CREB3L4: variants seen among roughly 807,000 people sequenced by gnomAD.
The protein encoded by CREB3L4 is cAMP responsive element binding protein 3 like 4.
A neutral mutation model predicts 37.0 loss-of-function variants in CREB3L4; 28 were observed. The observed-to-expected ratio is 0.76, with a 90% CI of 0.56 to 1.04. The LOEUF (loss-of-function observed/expected upper bound fraction) is 1.04, where lower values mean the gene tolerates loss of function less well. Ranked by LOEUF, CREB3L4 falls within the 50% of genes least tolerant of loss-of-function variation. The pLI, the probability that CREB3L4 is intolerant of heterozygous loss-of-function variation, is 0.00. For missense variants in CREB3L4, 462 were observed against 486.0 expected (o/e 0.95, Z 0.46); for synonymous variants, 175 against 192.2 (o/e 0.91, Z 0.74).
chr1:153,971,691 TC>T (rs1353934696), intron 4 of CREB3L4, among the ~76,000 whole-genome samples: 2 of 151,590 alleles, frequency 1.3e-5, no homozygotes, highest in Non-Finnish European at 2.9e-5. Context: ...CTCTAATAGT[TC>T]CACCAAACAG....
intron 4 of CREB3L4, among the ~76,000 whole-genome samples, chr1:153,971,901 C>T (rs1029791983): frequency 1.5e-4 from 23 of 152,152 alleles, no homozygotes; most frequent in African/African-American, 5.3e-4. Context: ...CGGCTCACTG[C>T]AACCTCCACC....
In CREB3L4 at chr1:153,969,091, C is replaced by CT. The variant is rs1648082853; in HGVS notation, c.337dup (p.Tyr113LeufsTer2). On this transcript the variant is annotated frameshift_variant, in exon 3 of 10. Coordinates refer to ENST00000368607, the MANE Select transcript of CREB3L4 (RefSeq NM_001255978.2). LOFTEE classifies it high-confidence loss of function. ...CCAGGGCAACCAGTTCTCCTATGCT[C>CT]TATGAGGTTGTCTATGAGGCAGGGG... is the stretch of plus-strand genomic sequence containing the variant. 6.2e-7 allele frequency: 1 copy of CT among 1,614,070 alleles called. No individual in the cohort carries two copies. The highest frequency in any genetic ancestry group is 8.5e-7 in the Non-Finnish European group (1 of 1,180,026).
intron 1 of CREB3L4, 141 bp downstream of exon 1, chr1:153,968,305 G>T: frequency 1.9e-6 from 1 of 526,752 alleles, no homozygotes; most frequent in Non-Finnish European, 3.4e-6. Context: ...GGGCTCTTCA[G>T]AACAGGTAAT....
chr1:153,968,501 G>C (rs748586897), intron 1 of CREB3L4, 21 bp from the exon 2 acceptor site: 1 of 1,607,386 alleles, frequency 6.2e-7, no homozygotes, highest in South Asian at 1.1e-5. Flanking sequence ...GCAACCCTCC[G>C]TCCCACACGC....
intron 4 of CREB3L4, 105 bp downstream of exon 4, chr1:153,969,560 C>T: frequency 1.4e-6 from 2 of 1,399,766 alleles, no homozygotes; most frequent in East Asian, 2.3e-5. Context: ...ACTGCCTTTG[C>T]CCCGGTTTTT....
In CREB3L4 at chr1:153,968,702, G is replaced by A; in HGVS notation, c.174+3G>A. ...AGTCCGGTGGGGACCGTGGCTGTGTGAGTGTGACGAGTGGGAGTGGGGGTG... is the reference window on the plus strand; with the variant it reads ...AGTCCGGTGGGGACCGTGGCTGTGTAAGTGTGACGAGTGGGAGTGGGGGTG... On this transcript the variant is annotated splice_donor_region_variant and intron_variant, in intron 2 of 9. Transcript: ENST00000368607. The A allele has an allele frequency of 6.2e-7, 1 of 1,613,614 alleles. No homozygotes were observed. The highest frequency in any genetic ancestry group is 1.1e-5 in the South Asian group (1 of 91,052).
intron 7 of CREB3L4, 30 bp from the exon 8 acceptor site, chr1:153,973,350 G>GA (rs761132284): frequency 6.2e-7 from 1 of 1,613,070 alleles, no homozygotes; most frequent in Non-Finnish European, 8.5e-7. Context: ...GTACCCAGAT[G>GA]ATACTAACTC....
At chr1:153,972,663 G>A (rs1331933353) in intron 4 of CREB3L4, 81 bp from the exon 5 acceptor site, 3 of 1,105,418 alleles carry the variant, frequency 2.7e-6, no homozygotes, top group Non-Finnish European at 4.0e-6. Context: ...CAGAAGGCAT[G>A]TGGGGGGAGT....
At position 153,969,451 on chromosome 1, in the gene CREB3L4, C is replaced by G. The variant is rs1396305155; in HGVS notation, c.539C>G (p.Thr180Ser). 3.7e-6 allele frequency: 6 copies of G among 1,613,972 alleles called. No homozygotes were observed. Among genetic ancestry groups the G allele is most frequent in the Non-Finnish European group, 5.1e-6 (6 of 1,179,982 alleles). Residue 180 changes from threonine to serine, a missense_variant, in exon 4 of 10, where the codon ACC becomes AGC. By Grantham distance (58) the Thr-to-Ser change is moderately conservative (BLOSUM62 1). Coordinates refer to ENST00000368607, the MANE Select transcript of CREB3L4 (RefSeq NM_001255978.2). Reference sequence around the variant, plus strand: ...ACCGTAGCCCCAGTGCCCTGTACAACCCTGGTGAGTCTTGGTGTCAGCCAG... The same window carrying G: ...ACCGTAGCCCCAGTGCCCTGTACAAGCCTGGTGAGTCTTGGTGTCAGCCAG... ...AGTVAPVPCT[T>S]LLPCQTLFLT... is the part of the protein sequence containing the mutation.
In CREB3L4 at chr1:153,969,403, C is replaced by A; in HGVS notation, c.491C>A (p.Ala164Asp). 1.9e-6 allele frequency: 3 copies of A among 1,614,128 alleles called. No homozygotes were observed. The highest frequency in any genetic ancestry group is 2.5e-6 in the Non-Finnish European group (3 of 1,179,994). Residue 164 changes from alanine to aspartate, a missense_variant, in exon 4 of 10, where the codon GCC becomes GAC. By Grantham distance (126) the Ala-to-Asp change is moderately radical. Transcript: ENST00000368607. ...AGTGAGCTGCCCTTTGATGCTCATG[C>A]CCACATCCTGCCCAGAGCAGGCACC... ...MVSELPFDAH[A>D]HILPRAGTVA...
chr1:153,973,832 G>A (rs1243120540), intron 9 of CREB3L4, 40 bp from the exon 10 acceptor site: 2 of 1,600,530 alleles, frequency 1.2e-6, no homozygotes, highest in Non-Finnish European at 1.7e-6. Flanking sequence ...TCCCACCCAG[G>A]GGAGCACTCT....
At position 153,969,181 on chromosome 1, in the gene CREB3L4, G is replaced by A. The variant is rs766675043; in HGVS notation, c.421+5G>A. 2 of 1,614,082 alleles carry A rather than the reference G, an allele frequency of 1.2e-6. No individual in the cohort carries two copies. Among genetic ancestry groups the A allele is most frequent in the East Asian group, 4.5e-5 (2 of 44,888 alleles). ...GCCTTATCTCCATCCAGCTAGGTCA[G>A]TGTTCTTTGTGGGAAGGGGGAAATG... On this transcript the variant is annotated splice_donor_5th_base_variant and intron_variant, in intron 3 of 9. Coordinates refer to ENST00000368607, the MANE Select transcript of CREB3L4 (RefSeq NM_001255978.2).
upstream of CREB3L4, chr1:153,967,521 C>T (rs1216210596): frequency 6.6e-6 from 1 of 152,320 alleles, no homozygotes; most frequent in Admixed American, 6.5e-5. Context: ...CGCAGTGGCT[C>T]GCGCCTGTGG....
intron 4 of CREB3L4, among the ~76,000 whole-genome samples, chr1:153,970,153 T>C (rs1408246431): frequency 6.6e-6 from 1 of 151,848 alleles, no homozygotes; most frequent in African/African-American, 2.4e-5. Flanking sequence ...GGTCTTGAAC[T>C]CCTGACCTTG....
At position 153,971,575 on chromosome 1, in the gene CREB3L4, C is replaced by A. The variant is rs866995103; in HGVS notation, c.544-1169C>A. The stretch of plus-strand genomic sequence containing the variant: ...TGAGCCACCTTGGCCACTCTGTTTT[C>A]TTTTTCTTTTTCTTTTTTTTTTTTT... On this transcript the variant is annotated intron_variant, in intron 4 of 9. Transcript: ENST00000368607. 8.7e-5 allele frequency among the ~76,000 whole-genome samples: 11 copies of A among 125,972 alleles called. No homozygotes were observed. In the South Asian group the frequency reaches 2.9e-3, roughly 33 times the overall value. 82.6% of individuals were successfully genotyped at this position (125,972 alleles called of 152,430 possible). A position where few individuals can be genotyped will look rare whatever the true frequency, so the allele number is the denominator to read the frequency against.
Position 153,969,026 on chromosome 1 carries a change from A to T in CREB3L4, c.271A>T (p.Ile91Phe). 1 of 1,614,158 alleles carries T rather than the reference A, an allele frequency of 6.2e-7. No homozygotes were observed. The highest frequency in any genetic ancestry group is 8.5e-7 in the Non-Finnish European group (1 of 1,180,022). ...SEASPGSDSG[I>F]SEDPCHPDSP... is the part of the protein sequence containing the mutation. ...AGCATCTCCTGGCAGTGACAGTGGC[A>T]TCTCTGAGGACCCCTGCCATCCAGA... Residue 91 changes from isoleucine to phenylalanine, a missense_variant, in exon 3 of 10, where the codon ATC (isoleucine) becomes TTC (phenylalanine). Coordinates refer to ENST00000368607, the MANE Select transcript of CREB3L4 (RefSeq NM_001255978.2).
rs201206472 is a variant in CREB3L4 at position 153,972,854 on chromosome 1, A to C, written c.636+18A>C. ...TCACCAAGGTAACATGCTTCCCCTAAGGGTATCCCAACCCAGGGGCCTCAC... is the reference window on the plus strand; with the variant it reads ...TCACCAAGGTAACATGCTTCCCCTACGGGTATCCCAACCCAGGGGCCTCAC... On this transcript the variant is annotated intron_variant, in intron 5 of 9. Transcript: ENST00000368607. The C allele has an allele frequency of 4.9e-5, 79 of 1,610,462 alleles. No individual in the cohort carries two copies. The highest frequency in any genetic ancestry group is 6.5e-5 in the Non-Finnish European group (76 of 1,177,030).
At chr1:153,972,129 A>T (rs1166615012) in intron 4 of CREB3L4, among the ~76,000 whole-genome samples, 3 of 152,142 alleles carry the variant, frequency 2.0e-5, no homozygotes, top group African/African-American at 7.2e-5. Context: ...GGCCACATAC[A>T]TCTTTCAAAA....
chr1:153,974,094 C>T lies in CREB3L4; in HGVS notation c.*29C>T. The T allele has an allele frequency of 1.3e-6, 2 of 1,599,834 alleles. No homozygotes were observed. The highest frequency in any genetic ancestry group is 2.1e-4 in the Middle Eastern group (1 of 4,716). On this transcript the variant is annotated 3_prime_UTR_variant, in exon 10 of 10. Coordinates refer to ENST00000368607, the MANE Select transcript of CREB3L4 (RefSeq NM_001255978.2). ...GGAACAGACCTTCCTGGCCCACTTC[C>T]TGATCACAAGGAATCCTGGGCTTCC...
Sources: gnomAD v4.1 joint callset for allele counts (sites outside exome capture counted in the v4.1 genomes callset) on GRCh38, gnomAD v4.1.1 for gene constraint, MANE v1.5 for transcripts, NCBI Gene and HGNC (gene_info 2026-07-23, HGNC 2026-07-21) for gene names.